WWOX: variants seen among roughly 807,000 people sequenced by gnomAD.
WWOX encodes the protein WW domain containing oxidoreductase.
A neutral mutation model predicts 46.2 loss-of-function variants in WWOX; 69 were observed. The observed-to-expected ratio is 1.49, with a 90% CI of 1.23 to 1.82. The LOEUF (loss-of-function observed/expected upper bound fraction) is 1.82. WWOX is among the 40% of genes most tolerant of loss of function. WWOX has a pLI of 0.00. For missense variants in WWOX, 919 were observed against 542.6 expected (o/e 1.69, Z -6.89); for synonymous variants, 359 against 202.6 (o/e 1.77, Z -6.56).
intron 8 of WWOX, among the ~76,000 whole-genome samples, chr16:79,001,187 G>C (rs192387364): frequency 7.5e-4 from 114 of 152,264 alleles, no homozygotes; most frequent in African/African-American, 2.5e-3. Flanking sequence ...TTGAATAAAG[G>C]GCCTAGAAGA....
chr16:78,473,843 A>T (rs975654828), intron 8 of WWOX, among the ~76,000 whole-genome samples: 1 of 152,196 alleles, frequency 6.6e-6, no homozygotes, highest in African/African-American at 2.4e-5. Context: ...TGCATGGTGT[A>T]GCATGCCTAG....
chr16:78,787,816 C>G (rs566690195), intron 8 of WWOX, among the ~76,000 whole-genome samples: 2 of 152,270 alleles, frequency 1.3e-5, no homozygotes, highest in Admixed American at 6.5e-5. Flanking sequence ...TCTCCACATC[C>G]TTGCCAACAC....
chr16:78,176,665 A>G (rs991680679), intron 5 of WWOX, among the ~76,000 whole-genome samples: 18 of 152,224 alleles, frequency 1.2e-4, no homozygotes, highest in Admixed American at 5.2e-4. Flanking sequence ...CTGGGAAAAT[A>G]AACAAATGAA....
chr16:78,760,056 A>C (rs1471180723), intron 8 of WWOX, among the ~76,000 whole-genome samples: 1 of 152,192 alleles, frequency 6.6e-6, no homozygotes, highest in Non-Finnish European at 1.5e-5. Context: ...AGTGATAAAG[A>C]CATACCCAAA....
chr16:78,254,174 G>C (rs1372605389), intron 5 of WWOX, among the ~76,000 whole-genome samples: 1 of 151,914 alleles, frequency 6.6e-6, no homozygotes, highest in Non-Finnish European at 1.5e-5. Context: ...AGGCTCAAGC[G>C]ATCCTCCTGC....
chr16:78,292,366 C>G (rs768126320), intron 5 of WWOX, among the ~76,000 whole-genome samples: 4 of 152,146 alleles, frequency 2.6e-5, no homozygotes, highest in Non-Finnish European at 5.9e-5. Context: ...GGCCTAACAA[C>G]TGAACACATT....
At chr16:78,246,461 G>A (rs2037818683) in intron 5 of WWOX, among the ~76,000 whole-genome samples, 1 of 152,068 alleles carries the variant, frequency 6.6e-6, no homozygotes, top group East Asian at 1.9e-4. Context: ...GAAACCTGTT[G>A]GTCCCCTCAT....
chr16:79,165,336 T>C (rs1022393694), intron 8 of WWOX, among the ~76,000 whole-genome samples: 4 of 152,172 alleles, frequency 2.6e-5, no homozygotes, highest in Admixed American at 1.3e-4. Flanking sequence ...GAAACTTGCC[T>C]GTTTGAAGCA....
chr16:79,100,204 C>G (rs547889276), intron 8 of WWOX, among the ~76,000 whole-genome samples: 5 of 151,994 alleles, frequency 3.3e-5, no homozygotes, highest in Admixed American at 3.3e-4. Flanking sequence ...GGGTGGCAAA[C>G]AAAATGGACC....
chr16:78,730,476 T>A (rs73571655), intron 8 of WWOX, among the ~76,000 whole-genome samples: 4,582 of 152,154 alleles, frequency 0.03, 210 homozygotes, highest in African/African-American at 0.1. Flanking sequence ...TGTTTGTTTT[T>A]TGAGACAGAG....
At chr16:78,411,261 T>C (rs998060114) in intron 6 of WWOX, among the ~76,000 whole-genome samples, 2 of 152,190 alleles carry the variant, frequency 1.3e-5, no homozygotes, top group African/African-American at 4.8e-5. Flanking sequence ...TTGAGATCCA[T>C]GTTATTCTAT....
chr16:78,492,468 C>T (rs2084807640), intron 8 of WWOX, among the ~76,000 whole-genome samples: 1 of 152,126 alleles, frequency 6.6e-6, no homozygotes, highest in African/African-American at 2.4e-5. Flanking sequence ...ATCCAATCCA[C>T]ATTGGACTGT....
chr16:78,476,046 C>T (rs1319877117), intron 8 of WWOX, among the ~76,000 whole-genome samples: 2 of 152,156 alleles, frequency 1.3e-5, no homozygotes, highest in African/African-American at 4.8e-5. Context: ...GTAAAATGAT[C>T]ACTCCCCAGT....
intron 8 of WWOX, among the ~76,000 whole-genome samples, chr16:78,773,645 C>G (rs1364946975): frequency 6.6e-6 from 1 of 152,176 alleles, no homozygotes; most frequent in Non-Finnish European, 1.5e-5. Flanking sequence ...TTGTTTTCCG[C>G]TACTCACTGG....
chr16:78,922,486 C>A (rs911564115), intron 8 of WWOX, among the ~76,000 whole-genome samples: 1 of 151,054 alleles, frequency 6.6e-6, no homozygotes, highest in Non-Finnish European at 1.5e-5. Flanking sequence ...TCAAGCGATT[C>A]TCGTGCCTCA....
At chr16:78,956,002 A>G (rs2046158843) in intron 8 of WWOX, among the ~76,000 whole-genome samples, 1 of 151,256 alleles carries the variant, frequency 6.6e-6, no homozygotes, top group Admixed American at 6.6e-5. Context: ...AAAAAAAAAC[A>G]CAAAAAAAAC....
chr16:78,427,464 C>T (rs943184884), intron 7 of WWOX, among the ~76,000 whole-genome samples: 1 of 152,108 alleles, frequency 6.6e-6, no homozygotes, highest in Non-Finnish European at 1.5e-5. Context: ...TTGAACAACC[C>T]TCAATGGCTG....
intron 8 of WWOX, among the ~76,000 whole-genome samples, chr16:78,515,242 A>C (rs1445796879): frequency 6.6e-6 from 1 of 152,126 alleles, no homozygotes; most frequent in African/African-American, 2.4e-5. Context: ...AAAATAAAAC[A>C]AACAAAAAAA....
intron 8 of WWOX, chr16:78,757,059 G>A (rs1375207310): frequency 1.1e-5 from 8 of 702,302 alleles, no homozygotes; most frequent in Non-Finnish European, 1.6e-5. Context: ...CCCTAGTTAA[G>A]CCTTGAGGTG....
Sources: allele counts gnomAD v4.1 joint callset (sites outside exome capture counted in the v4.1 genomes callset), GRCh38; gene constraint gnomAD v4.1.1; transcripts MANE v1.5; gene names NCBI Gene and HGNC (gene_info 2026-07-23, HGNC 2026-07-21).